TRIM24: variants seen among roughly 807,000 people sequenced by gnomAD.
The protein encoded by TRIM24 is tripartite motif containing 24.
A neutral mutation model predicts 123.9 loss-of-function variants in TRIM24; 29 were observed. The ratio of observed to expected loss-of-function variants is 0.23; its 90% confidence interval spans 0.17 to 0.32. The LOEUF is 0.32. TRIM24 is among the 10% of genes least tolerant of loss of function. The pLI is 1.00. For missense variants in TRIM24, 932 were observed against 1,295.3 expected, an observed-to-expected ratio of 0.72 and a Z score of 4.31; for synonymous variants, 456 against 461.1, an observed-to-expected ratio of 0.99 and a Z score of 0.14.
chr7:138,548,327 A>G (rs1797141334), intron 7 of TRIM24, among the ~76,000 whole-genome samples: 2 of 152,170 alleles, frequency 1.3e-5, no homozygotes, highest in Admixed American at 1.3e-4. Flanking sequence ...ATACAATACA[A>G]AGGATTTAAA....
intron 7 of TRIM24, chr7:138,545,613 T>C: frequency 2.3e-6 from 1 of 436,300 alleles, no homozygotes. Context: ...TATGTCCATC[T>C]GTATGTGTGT....
intron 14 of TRIM24, among the ~76,000 whole-genome samples, chr7:138,578,844 G>C (rs551794337): frequency 1.3e-5 from 2 of 151,762 alleles, no homozygotes; most frequent in Admixed American, 1.3e-4. Context: ...CACCATCCTG[G>C]GCTTCAACAG....
At chr7:138,525,947 A>G (rs1796598999) in intron 5 of TRIM24, among the ~76,000 whole-genome samples, 1 of 152,202 alleles carries the variant, frequency 6.6e-6, no homozygotes. Flanking sequence ...AGGGAGAACC[A>G]CTAACCTCCA....
chr7:138,523,915 G>A (rs1013072599), intron 4 of TRIM24, among the ~76,000 whole-genome samples: 2 of 152,122 alleles, frequency 1.3e-5, no homozygotes, highest in African/African-American at 4.8e-5. Context: ...CTCATGAAAT[G>A]AATGTAAAAA....
rs1018298866 is a variant in TRIM24 at position 138,587,943 on chromosome 7, C to T, written c.*2992C>T. On this transcript the variant is annotated 3_prime_UTR_variant, in exon 19 of 19. Transcript: ENST00000343526. Reference sequence around the variant, plus strand: ...CATTTTGTCTTTTGAATTAACATGCCCTGCTTGTCTTTTCTGAATGGAAGG... The same window carrying T: ...CATTTTGTCTTTTGAATTAACATGCTCTGCTTGTCTTTTCTGAATGGAAGG... The T allele has an allele frequency of 2.0e-5, 3 of 152,058 alleles. No homozygotes were observed. Among genetic ancestry groups the T allele is most frequent in the African/African-American group, 7.2e-5 (3 of 41,394 alleles). 9.4% of individuals were successfully genotyped at this position (152,058 alleles called of 1,614,324 possible).
rs188934886 is a variant in TRIM24 at position 138,555,585 on chromosome 7, C to T, written c.1530+619C>T. Among the ~76,000 whole-genome samples the T allele has an allele frequency of 3.0e-3, 456 of 151,242 alleles. 2 individuals are homozygous for T. Among genetic ancestry groups the T allele is most frequent in the African/African-American group, 0.01 (428 of 41,158 alleles). On this transcript the variant is annotated intron_variant, in intron 9 of 18. Transcript: ENST00000343526. Reference sequence around the variant, plus strand: ...ACAACCTCTGCCTCCCGGGTTCAAGCGATTCTCCCACCTCAGCCTCCCAAG... The same window carrying T: ...ACAACCTCTGCCTCCCGGGTTCAAGTGATTCTCCCACCTCAGCCTCCCAAG...
chr7:138,581,122 G>T (rs1365740841), intron 16 of TRIM24, among the ~76,000 whole-genome samples: 2 of 151,944 alleles, frequency 1.3e-5, no homozygotes, highest in Non-Finnish European at 2.9e-5. Context: ...ATATTTAACT[G>T]TAAATAACAT....
In TRIM24 at chr7:138,515,148, T is replaced by C. The variant is rs755715319; in HGVS notation, c.484-64T>C. On this transcript the variant is annotated intron_variant, in intron 2 of 18. Transcript: ENST00000343526. ...GTACAATTGGTGTATCATGTACGCA[T>C]AGCTCGAGATAGGACCACCTTTTCA... is the stretch of plus-strand genomic sequence containing the variant. 391 of 1,538,408 alleles carry C rather than the reference T, an allele frequency of 2.5e-4. 1 individual carries two copies. The Middle Eastern group carries it at 3.5e-3, about 14-fold the overall frequency.
chr7:138,519,135 T>C (rs1796456314), intron 3 of TRIM24, 54 bp from the exon 4 acceptor site: 4 of 1,600,886 alleles, frequency 2.5e-6, no homozygotes, highest in African/African-American at 2.7e-5. Flanking sequence ...CTAATAATTA[T>C]TTACTATTCA....
rs552040558 is a variant in TRIM24, at chr7:138,532,920, G to T, written c.996+3690G>T. Among the ~76,000 whole-genome samples the T allele has an allele frequency of 4.9e-4, 74 of 152,194 alleles. 1 individual carries two copies. In the East Asian group the frequency reaches 0.012, roughly 24 times the overall value. ...GTGGTTTGTAGTTCTCCATGAAGGGGTCCTTCACATCCCTTGTAAGTGGGA... is the reference window on the plus strand; with the variant it reads ...GTGGTTTGTAGTTCTCCATGAAGGGTTCCTTCACATCCCTTGTAAGTGGGA... On this transcript the variant is annotated intron_variant, in intron 6 of 18. Coordinates refer to ENST00000343526, the MANE Select transcript of TRIM24 (RefSeq NM_015905.3).
At chr7:138,469,332 T>A (rs1409167892) in intron 1 of TRIM24, among the ~76,000 whole-genome samples, 2 of 139,182 alleles carry the variant, frequency 1.4e-5, no homozygotes, top group Admixed American at 7.1e-5. Flanking sequence ...CCTTTCTCAA[T>A]TTTTTTTTTT....
At position 138,460,528 on chromosome 7, in the gene TRIM24, G is replaced by A. The variant is rs1302846492; in HGVS notation, c.-21G>A. ...GCGGAGACCGCGCTCTCGCTTCCCC[G>A]GCGGCGGCAAGGGCAGGACAATGGA... On this transcript the variant is annotated 5_prime_UTR_variant, in exon 1 of 19. Coordinates refer to ENST00000343526, the MANE Select transcript of TRIM24 (RefSeq NM_015905.3). 1 of 1,262,564 alleles carries A rather than the reference G, an allele frequency of 7.9e-7. No homozygotes were observed. Among genetic ancestry groups the A allele is most frequent in the Non-Finnish European group, 9.9e-7 (1 of 1,008,754 alleles). The allele number at this position is 1,262,564 out of a possible 1,614,324, so 78.2% of individuals were successfully genotyped here. A position where few individuals can be genotyped will look rare whatever the true frequency, so the allele number is the denominator to read the frequency against.
At chr7:138,465,848 T>C (rs1450507210) in intron 1 of TRIM24, among the ~76,000 whole-genome samples, 1 of 152,246 alleles carries the variant, frequency 6.6e-6, no homozygotes, top group African/African-American at 2.4e-5. Context: ...TGTGGATACA[T>C]TGTCATTTCC....
intron 9 of TRIM24, among the ~76,000 whole-genome samples, chr7:138,557,228 G>A (rs1256261197): frequency 6.6e-6 from 1 of 152,170 alleles, no homozygotes; most frequent in Non-Finnish European, 1.5e-5. Flanking sequence ...CCTATTGCTG[G>A]CCTTGGAGTG....
intron 2 of TRIM24, among the ~76,000 whole-genome samples, chr7:138,508,503 G>A (rs111417921): frequency 0.021 from 3,237 of 152,076 alleles, 93 homozygotes; most frequent in African/African-American, 0.071. Flanking sequence ...TTCTTAACTG[G>A]AATAGAAAGA....
chr7:138,511,893 A>G (rs879656778), intron 2 of TRIM24, among the ~76,000 whole-genome samples: 4 of 152,204 alleles, frequency 2.6e-5, no homozygotes, highest in Admixed American at 1.3e-4. Flanking sequence ...CTTATATTTG[A>G]GATGAGAAGG....
intron 10 of TRIM24, among the ~76,000 whole-genome samples, chr7:138,567,941 A>C (rs917738994): frequency 6.6e-6 from 1 of 152,186 alleles, no homozygotes; most frequent in African/African-American, 2.4e-5. Flanking sequence ...CTAAGATAAA[A>C]GTATTCTAAC....
chr7:138,482,647 CTT>C (rs1485734320), intron 1 of TRIM24, among the ~76,000 whole-genome samples: 1 of 152,176 alleles, frequency 6.6e-6, no homozygotes, highest in Non-Finnish European at 1.5e-5. Context: ...CAAGTCTTCT[CTT>C]AAAGTTTTTC....
intron 12 of TRIM24, among the ~76,000 whole-genome samples, chr7:138,574,430 T>C (rs1176569755): frequency 6.6e-6 from 1 of 152,210 alleles, no homozygotes; most frequent in Non-Finnish European, 1.5e-5. Flanking sequence ...AACAAACTTA[T>C]GACAAAATAT....
Sources: gnomAD v4.1 joint callset for allele counts (sites outside exome capture counted in the v4.1 genomes callset) on GRCh38, gnomAD v4.1.1 for gene constraint, MANE v1.5 for transcripts, NCBI Gene and HGNC (gene_info 2026-07-23, HGNC 2026-07-21) for gene names.